Variants in NCKAP5 observed in about 807,000 individuals in gnomAD.
NCKAP5 encodes NCK associated protein 5.
Under a neutral mutation model 167.0 loss-of-function variants are expected in NCKAP5, and 92 were observed. The observed-to-expected ratio is 0.55, with a 90% confidence interval of 0.47 to 0.66. NCKAP5 has a LOEUF of 0.66. NCKAP5 is among the 30% of genes least tolerant of loss of function. NCKAP5 has a pLI of 0.00. For missense variants in NCKAP5, 2,378 were observed against 2,315.0 expected (o/e 1.03, Z -0.56); for synonymous variants, 891 against 877.4 (o/e 1.02, Z -0.27).
At chr2:133,078,109 G>A (rs1033619692) in intron 6 of NCKAP5, among the ~76,000 whole-genome samples, 1 of 152,202 alleles carries the variant, frequency 6.6e-6, no homozygotes, top group Non-Finnish European at 1.5e-5. Context: ...AGACTAGGGA[G>A]AGTGCTGATG....
intron 6 of NCKAP5, among the ~76,000 whole-genome samples, chr2:133,014,705 C>T (rs552238030): frequency 3.3e-5 from 5 of 152,154 alleles, no homozygotes; most frequent in East Asian, 1.9e-4. Context: ...TTCAGCCTTA[C>T]GTTTTCAATA....
intron 8 of NCKAP5, among the ~76,000 whole-genome samples, chr2:132,927,710 AT>A (rs1164989566): frequency 6.6e-6 from 1 of 151,950 alleles, no homozygotes; most frequent in East Asian, 1.9e-4. Context: ...TGATTTTTGT[AT>A]TTTGATTTTG....
the NCKAP5 span, among the ~76,000 whole-genome samples, chr2:133,600,554 G>A: frequency 6.6e-6 from 1 of 152,218 alleles, no homozygotes; most frequent in Non-Finnish European, 1.5e-5. Flanking sequence ...AGGGAGCCCA[G>A]GAGTTGTCTA....
rs553051309 is a variant in NCKAP5, at chr2:133,086,606, C to T, written c.341+43372G>A. Among the ~76,000 whole-genome samples the T allele has an allele frequency of 5.9e-5, 9 of 152,248 alleles. No individual in the cohort carries two copies. In the South Asian group the frequency reaches 1.9e-3, roughly 32 times the overall value. ...GCAGAGAGCTATGATCATGCCACTG[C>T]ACTCCAGCCTGAGTGACAGAGCAAG... On this transcript the variant is annotated intron_variant, in intron 6 of 19. Coordinates refer to ENST00000409261, the MANE Select transcript of NCKAP5 (RefSeq NM_207363.3).
At chr2:133,090,938 G>A (rs777327606) in intron 6 of NCKAP5, among the ~76,000 whole-genome samples, 26 of 152,060 alleles carry the variant, frequency 1.7e-4, no homozygotes, top group African/African-American at 4.8e-4. Context: ...ATTGTAATCC[G>A]CAGTGTTAGA....
intron 16 of NCKAP5, among the ~76,000 whole-genome samples, chr2:132,752,872 A>T (rs1227642186): frequency 6.6e-6 from 1 of 152,214 alleles, no homozygotes; most frequent in Non-Finnish European, 1.5e-5. Flanking sequence ...CTGATGTTTC[A>T]GTTCAAGCAC....
Position 133,551,181 on chromosome 2 carries a change from T to C in NCKAP5, c.-62+7869A>G, listed in dbSNP as rs916927726. 1.2e-4 allele frequency among the ~76,000 whole-genome samples: 19 copies of C among 152,120 alleles called. No individual in the cohort carries two copies. The South Asian group carries it at 2.1e-3, about 17-fold the overall frequency. On this transcript the variant is annotated intron_variant, in intron 2 of 19. Coordinates refer to ENST00000409261, the MANE Select transcript of NCKAP5 (RefSeq NM_207363.3). ...TGGCCATACTGCCCAAGGTAATTTA[T>C]AGATTCAATGCCATCCCCATCAAGC...
intron 6 of NCKAP5, among the ~76,000 whole-genome samples, chr2:133,061,208 C>T (rs2079989339): frequency 6.6e-6 from 1 of 152,148 alleles, no homozygotes; most frequent in Admixed American, 6.5e-5. Flanking sequence ...TAGAGTATTA[C>T]ATAAACTTAG....
In NCKAP5 at chr2:132,782,753, C is replaced by T. The variant is rs748770487; in HGVS notation, c.4058G>A (p.Gly1353Glu). ...CTGACTGCTGAAGCTGCCTGAGCTC[C>T]CCAGGGAGCCCTTCCCGGAGGAGGG... ...GHPSSGKGSL[G>E]SSGSFSSQHG... The change falls in exon 14 of 20, where the codon GGG (glycine) becomes GAG (glutamate). Residue 1353 changes from glycine to glutamate, a missense_variant. Transcript: ENST00000409261. 3.4e-5 allele frequency: 55 copies of T among 1,613,916 alleles called. No homozygotes were observed. In the East Asian group the frequency reaches 1.1e-3, roughly 33 times the overall value.
At chr2:132,767,195 T>C (rs934626793) in intron 16 of NCKAP5, among the ~76,000 whole-genome samples, 2 of 152,190 alleles carry the variant, frequency 1.3e-5, no homozygotes, top group Non-Finnish European at 2.9e-5. Flanking sequence ...CTCAAACCAG[T>C]ACCAAGTGTC....
chr2:132,876,116 A>G (rs1691250381), intron 9 of NCKAP5, among the ~76,000 whole-genome samples: 1 of 151,848 alleles, frequency 6.6e-6, no homozygotes, highest in Non-Finnish European at 1.5e-5. Context: ...ATGAGGTTTC[A>G]CTCTTTCACC....
intron 15 of NCKAP5, among the ~76,000 whole-genome samples, chr2:132,779,916 T>C (rs1682874518): frequency 6.6e-6 from 1 of 152,192 alleles, no homozygotes. Flanking sequence ...TCCTATATTT[T>C]AATAATCTCT....
chr2:133,101,456 T>G (rs573678355), intron 6 of NCKAP5, among the ~76,000 whole-genome samples: 29 of 140,472 alleles, frequency 2.1e-4, no homozygotes, highest in Non-Finnish European at 3.5e-4. Flanking sequence ...ATTGGTAGCT[T>G]GATGGGGATG....
chr2:133,282,669 T>C (rs908731302), intron 4 of NCKAP5, among the ~76,000 whole-genome samples: 4 of 152,192 alleles, frequency 2.6e-5, no homozygotes, highest in Non-Finnish European at 5.9e-5. Context: ...GGTAATACGG[T>C]ATATGAATGA....
chr2:133,093,406 G>A (rs2081251108), intron 6 of NCKAP5, among the ~76,000 whole-genome samples: 2 of 152,260 alleles, frequency 1.3e-5, no homozygotes, highest in Admixed American at 1.3e-4. Context: ...CACTTATGTT[G>A]CCTGAATTTG....
chr2:133,022,286 T>A (rs962743877), intron 6 of NCKAP5, among the ~76,000 whole-genome samples: 2 of 152,204 alleles, frequency 1.3e-5, no homozygotes, highest in African/African-American at 4.8e-5. Flanking sequence ...TAAAAGAAAT[T>A]GACATCTACA....
intron 3 of NCKAP5, among the ~76,000 whole-genome samples, chr2:133,498,480 A>AAGGAAGGAAGGAAGGCAGGCAGGC (rs1310524686): frequency 8.3e-4 from 84 of 101,786 alleles, no homozygotes; most frequent in East Asian, 6.2e-3. Context: ...GGAAGGAAGG[A>AAGGAAGGAAGGAAGGCAGGCAGGC]AGGCAGGCAG....
intron 3 of NCKAP5, among the ~76,000 whole-genome samples, chr2:133,363,007 C>T (rs1685221650): frequency 1.3e-5 from 2 of 151,876 alleles, no homozygotes; most frequent in Non-Finnish European, 2.9e-5. Context: ...ACCCTGTGAT[C>T]CGCCCGCCTC....
chr2:133,072,824 C>T (rs62178950), intron 6 of NCKAP5, among the ~76,000 whole-genome samples: 5,258 of 152,104 alleles, frequency 0.035, 169 homozygotes, highest in African/African-American at 0.087. Context: ...ATTACACATA[C>T]GGTATTTTAA....
Sources: gnomAD v4.1 joint callset for allele counts (sites outside exome capture counted in the v4.1 genomes callset) on GRCh38, gnomAD v4.1.1 for gene constraint, MANE v1.5 for transcripts, NCBI Gene and HGNC (gene_info 2026-07-23, HGNC 2026-07-21) for gene names.